SAMD4A: variants seen among roughly 807,000 people sequenced by gnomAD.
The protein encoded by SAMD4A is protein Smaug homolog 1.
In SAMD4A, 33 loss-of-function variants were observed where a neutral mutation model predicts 81.3. That is an observed-to-expected ratio of 0.41 (90% confidence interval 0.31 to 0.54). The LOEUF (loss-of-function observed/expected upper bound fraction) is 0.54. Among genes scored for constraint, SAMD4A ranks in the 20% least tolerant of loss-of-function variants. The pLI is 0.37. For synonymous variants in SAMD4A, 389 were observed against 382.1 expected (o/e 1.02, Z -0.21); for missense variants, 854 against 951.1 (o/e 0.90, Z 1.34).
At chr14:54,601,285 A>G (rs2034045879) in intron 2 of SAMD4A, among the ~76,000 whole-genome samples, 1 of 152,062 alleles carries the variant, frequency 6.6e-6, no homozygotes, top group East Asian at 1.9e-4. Flanking sequence ...CCTTTCTTCC[A>G]TGTGGATTAG....
intron 2 of SAMD4A, chr14:54,685,600 G>A (rs577375636): frequency 2.4e-6 from 1 of 421,510 alleles, no homozygotes; most frequent in South Asian, 1.7e-5. Context: ...TTTTTTCTTT[G>A]TGGTTTCAGA....
At chr14:54,590,983 T>C (rs562227899) in intron 2 of SAMD4A, among the ~76,000 whole-genome samples, 18 of 152,218 alleles carry the variant, frequency 1.2e-4, no homozygotes, top group Non-Finnish European at 2.4e-4. Context: ...TATCTCAGAC[T>C]TTTCCCCTCA....
intron 12 of SAMD4A, among the ~76,000 whole-genome samples, chr14:54,787,807 A>T (rs1406924471): frequency 6.6e-6 from 1 of 152,182 alleles, no homozygotes; most frequent in African/African-American, 2.4e-5. Flanking sequence ...TCCTCAGGTT[A>T]TCTGATGCAG....
chr14:54,732,040 C>G (rs2037569975), intron 3 of SAMD4A, among the ~76,000 whole-genome samples: 1 of 152,142 alleles, frequency 6.6e-6, no homozygotes, highest in African/African-American at 2.4e-5. Context: ...ACACAGGTTC[C>G]TGAGGCTACC....
intron 11 of SAMD4A, among the ~76,000 whole-genome samples, chr14:54,777,108 C>T (rs1474803944): frequency 6.6e-6 from 1 of 152,208 alleles, no homozygotes; most frequent in African/African-American, 2.4e-5. Flanking sequence ...TGAACCCTTT[C>T]TCTATGCAGG....
At chr14:54,644,820 C>T (rs889105045) in intron 2 of SAMD4A, among the ~76,000 whole-genome samples, 6 of 152,130 alleles carry the variant, frequency 3.9e-5, no homozygotes, top group African/African-American at 1.4e-4. Context: ...AGTCAAAGGA[C>T]TGAGGGCAAG....
chr14:54,652,060 C>G (rs1318756514), intron 2 of SAMD4A, among the ~76,000 whole-genome samples: 1 of 152,208 alleles, frequency 6.6e-6, no homozygotes, highest in Non-Finnish European at 1.5e-5. Flanking sequence ...GAAAGCACAC[C>G]AGAACTTTGC....
intron 6 of SAMD4A, among the ~76,000 whole-genome samples, chr14:54,755,972 T>C (rs1000957418): frequency 6.6e-6 from 1 of 152,172 alleles, no homozygotes; most frequent in Non-Finnish European, 1.5e-5. Flanking sequence ...TTATTGCTGC[T>C]TACAGAAGGA....
intron 8 of SAMD4A, among the ~76,000 whole-genome samples, chr14:54,765,443 C>G (rs1391629184): frequency 7.1e-6 from 1 of 140,016 alleles, no homozygotes; most frequent in African/African-American, 2.8e-5. Flanking sequence ...GGAAACATAT[C>G]AAGACCCTGT....
At chr14:54,598,905 C>G (rs1406454581) in intron 2 of SAMD4A, among the ~76,000 whole-genome samples, 2 of 152,036 alleles carry the variant, frequency 1.3e-5, no homozygotes, top group African/African-American at 4.8e-5. Flanking sequence ...ACTGCAGCCT[C>G]AGTCTACCAG....
intron 2 of SAMD4A, among the ~76,000 whole-genome samples, chr14:54,676,580 A>G (rs531627329): frequency 6.6e-6 from 1 of 151,878 alleles, no homozygotes; most frequent in South Asian, 2.1e-4. Context: ...ACAGGGTTTC[A>G]CCATGTTGGC....
In SAMD4A at chr14:54,790,784, T is replaced by G. The variant is rs2039246577; in HGVS notation, c.*1840T>G. The G allele has an allele frequency of 6.6e-6, 1 of 150,884 alleles. No homozygotes were observed. The highest frequency in any genetic ancestry group is 1.5e-5 in the Non-Finnish European group (1 of 67,702). The allele number at this position is 150,884 out of a possible 1,614,324, so 9.3% of individuals were successfully genotyped here. On this transcript the variant is annotated 3_prime_UTR_variant, in exon 13 of 13. Coordinates refer to ENST00000554335, the MANE Select transcript of SAMD4A (RefSeq NM_015589.6). ...TTTTTTTAAAAGCTAATGAACTACA[T>G]ACAGACCTAAAAGGCCTTAATGAAA...
chr14:54,615,933 G>C (rs2140284198), intron 2 of SAMD4A, among the ~76,000 whole-genome samples: 1 of 152,004 alleles, frequency 6.6e-6, no homozygotes, highest in South Asian at 2.1e-4. Context: ...GAAGTGAGTG[G>C]GAAAAATTCT....
rs774695615 is a variant in SAMD4A at position 54,760,288 on chromosome 14, C to T, written c.1304C>T (p.Pro435Leu). 2.0e-4 allele frequency: 326 copies of T among 1,611,772 alleles called. No homozygotes were observed. Among genetic ancestry groups the T allele is most frequent in the Non-Finnish European group, 2.5e-4 (293 of 1,179,674 alleles). Residue 435 changes from proline (P) to leucine (L), a missense_variant, in exon 7 of 13, where the codon CCG (proline) becomes CTG (leucine). Physicochemically the swap from Pro to Leu is moderately conservative, Grantham distance 98. This residue lies in a region of SAMD4A where 428 missense variants were observed against 471.2 expected (regional missense o/e 0.91). Transcript: ENST00000554335. ...GCTCGCCGCCGGGAGCCCCAGGCCC[C>T]GCGTCAGCCCTCACTGATGGGCCCC... ...PEARRREPQA[P>L]RQPSLMGPES...
In SAMD4A at chr14:54,789,629, C is replaced by T. The variant is rs1024631931; in HGVS notation, c.*685C>T. ...GAACCTCTCTTCATACTATGGTTTT[C>T]GTAAAGGATCTGTTGTTGTTACGGA... On this transcript the variant is annotated 3_prime_UTR_variant, in exon 13 of 13. Coordinates refer to ENST00000554335, the MANE Select transcript of SAMD4A (RefSeq NM_015589.6). 1.3e-5 allele frequency: 2 copies of T among 152,186 alleles called. No homozygotes were observed. Among genetic ancestry groups the T allele is most frequent in the South Asian group, 2.1e-4 (1 of 4,838 alleles). The allele number at this position is 152,186 out of a possible 1,614,324, so 9.4% of individuals were successfully genotyped here.
In SAMD4A at chr14:54,759,407, C is replaced by T. The variant is rs535299889; in HGVS notation, c.1177-754C>T. The stretch of plus-strand genomic sequence containing the variant: ...CCCTTGCTGTGCCCTCCACCTGGAG[C>T]GTTTCTCCCCAGGATCCTCATGCCC... On this transcript the variant is annotated intron_variant, in intron 6 of 12. Transcript: ENST00000554335. Among the ~76,000 whole-genome samples the T allele has an allele frequency of 2.0e-3, 305 of 152,292 alleles. 2 individuals are homozygous for T. Among genetic ancestry groups the T allele is most frequent in the African/African-American group, 6.8e-3 (283 of 41,564 alleles).
intron 8 of SAMD4A, among the ~76,000 whole-genome samples, chr14:54,767,987 G>A (rs1041355048): frequency 2.6e-5 from 4 of 152,178 alleles, no homozygotes; most frequent in East Asian, 3.8e-4. Flanking sequence ...CCAGGAAGGC[G>A]CCAACATTCC....
chr14:54,625,378 C>T (rs1472974987), intron 2 of SAMD4A, among the ~76,000 whole-genome samples: 1 of 152,216 alleles, frequency 6.6e-6, no homozygotes, highest in African/African-American at 2.4e-5. Flanking sequence ...TTAGTCTTCC[C>T]TGCACCAGGG....
chr14:54,702,433 T>C lies in SAMD4A; in HGVS notation c.568T>C (p.Trp190Arg). ...GAACTCTGATGACAAGCTCAATGGG[T>C]GGCAGAACTCTCGGGATTCTGGGAT... ...RQNSDDKLNG[W>R]QNSRDSGICI... is the part of the protein sequence containing the mutation. The change falls in exon 3 of 13, where the codon TGG becomes CGG. Residue 190 changes from tryptophan (W) to arginine (R), a missense_variant. By Grantham distance (101) the Trp-to-Arg change is moderately radical. Around this residue, in one of 3 missense-constraint regions of SAMD4A, gnomAD observed 387 missense variants for 405.8 expected, o/e 0.95. Coordinates refer to ENST00000554335, the MANE Select transcript of SAMD4A (RefSeq NM_015589.6). 6.2e-7 allele frequency: 1 copy of C among 1,614,104 alleles called. No individual in the cohort carries two copies. The highest frequency in any genetic ancestry group is 8.5e-7 in the Non-Finnish European group (1 of 1,179,984).
Sources: gnomAD v4.1 joint callset for allele counts (sites outside exome capture counted in the v4.1 genomes callset) on GRCh38, gnomAD v4.1.1 for gene constraint, gnomAD v4.1.1 regional missense constraint, MANE v1.5 for transcripts, NCBI Gene and HGNC (gene_info 2026-07-23, HGNC 2026-07-21) for gene names.